PKD2L2: variants seen among roughly 807,000 people sequenced by gnomAD.
PKD2L2 encodes the protein polycystin-2-like protein 2.
A neutral mutation model predicts 83.9 loss-of-function variants in PKD2L2; 67 were observed. That is an observed-to-expected ratio of 0.80 (90% CI 0.66 to 0.98). The LOEUF (loss-of-function observed/expected upper bound fraction) is 0.98. Ranked by LOEUF, PKD2L2 falls within the 50% of genes least tolerant of loss-of-function variation. The probability of loss-of-function intolerance (pLI) is 0.00; values close to 1 mark genes in which losing one functional copy is unlikely to be tolerated. For synonymous variants in PKD2L2, 223 were observed against 237.8 expected (o/e 0.94, Z 0.57); for missense variants, 632 against 717.2 (o/e 0.88, Z 1.36).
At chr5:137,902,733 T>C (rs1192656132) in intron 5 of PKD2L2, among the ~76,000 whole-genome samples, 1 of 152,160 alleles carries the variant, frequency 6.6e-6, no homozygotes, top group Non-Finnish European at 1.5e-5. Flanking sequence ...CAGTTGCTGC[T>C]TGTACACAGA....
At chr5:137,890,305 G>A in intron 1 of PKD2L2, 176 bp from the exon 2 acceptor site, 1 of 530,284 alleles carries the variant, frequency 1.9e-6, no homozygotes, top group Non-Finnish European at 3.3e-6. Flanking sequence ...GTTATTAATA[G>A]TATATAGTAA....
chr5:137,904,626 T>C (rs1190461146), intron 5 of PKD2L2, among the ~76,000 whole-genome samples: 2 of 150,500 alleles, frequency 1.3e-5, no homozygotes, highest in African/African-American at 4.9e-5. Flanking sequence ...TGGAGGAGGG[T>C]GGGAAGGAAG....
intron 14 of PKD2L2, chr5:137,938,502 A>G (rs1462212883): frequency 1.3e-5 from 2 of 152,624 alleles, no homozygotes; most frequent in Non-Finnish European, 2.9e-5. Context: ...TAAAAATGAT[A>G]CATCTTTTGG....
intron 12 of PKD2L2, among the ~76,000 whole-genome samples, chr5:137,935,192 C>T (rs1760222800): frequency 6.6e-6 from 1 of 152,162 alleles, no homozygotes; most frequent in South Asian, 2.1e-4. Flanking sequence ...CCCTTTTTAT[C>T]TGTAGCTGGG....
At chr5:137,900,865 C>T (rs762035367) in intron 5 of PKD2L2, among the ~76,000 whole-genome samples, 2 of 152,170 alleles carry the variant, frequency 1.3e-5, no homozygotes, top group African/African-American at 2.4e-5. Flanking sequence ...CAGCCAGGCA[C>T]GGTGGCTCAC....
intron 14 of PKD2L2, chr5:137,941,825 T>C: frequency 1.3e-6 from 1 of 798,410 alleles, no homozygotes; most frequent in Non-Finnish European, 2.0e-6. Flanking sequence ...TTTTAAAATT[T>C]TTCAGTGCTA....
chr5:137,913,185 T>C (rs9688006), intron 8 of PKD2L2, among the ~76,000 whole-genome samples: 1 of 19,484 alleles, frequency 5.1e-5, no homozygotes, highest in Non-Finnish European at 1.5e-4. Context: ...TTCTTTTTTC[T>C]TTTTTTTTTT....
chr5:137,919,436 C>T (rs1442948181), intron 8 of PKD2L2, among the ~76,000 whole-genome samples: 2 of 151,940 alleles, frequency 1.3e-5, no homozygotes, highest in Admixed American at 6.6e-5. Context: ...ACTTTCCTAA[C>T]AGAAAAGGGC....
intron 8 of PKD2L2, among the ~76,000 whole-genome samples, chr5:137,917,103 A>G (rs1758431379): frequency 1.3e-5 from 2 of 150,594 alleles, no homozygotes; most frequent in South Asian, 4.2e-4. Context: ...AACTTCCATA[A>G]TGTGTATGTT....
chr5:137,907,914 T>C lies in PKD2L2; in HGVS notation c.1146+2T>C, dbSNP rs1458143777. 1 of 1,249,484 alleles carries C rather than the reference T, an allele frequency of 8.0e-7. No individual in the cohort carries two copies. Among genetic ancestry groups the C allele is most frequent in the Non-Finnish European group, 1.1e-6 (1 of 886,872 alleles). 77.4% of individuals were successfully genotyped at this position (1,249,484 alleles called of 1,614,324 possible). A position where few individuals can be genotyped will look rare whatever the true frequency, so the allele number is the denominator to read the frequency against. On this transcript the variant is annotated splice_donor_variant, in intron 7 of 14. Coordinates refer to ENST00000508883, the MANE Select transcript of PKD2L2 (RefSeq NM_001300921.2). LOFTEE classifies it high-confidence loss of function. ...ACCATCTTTTTTGCATGGATAAAGGTATTTATATTTCATTATATTACATAA... is the reference window on the plus strand; with the variant it reads ...ACCATCTTTTTTGCATGGATAAAGGCATTTATATTTCATTATATTACATAA...
chr5:137,940,269 G>C, intron 14 of PKD2L2: 1 of 1,613,872 alleles, frequency 6.2e-7, no homozygotes, highest in East Asian at 2.2e-5. Flanking sequence ...AGAACTTCAA[G>C]AAGCCTAAGC....
chr5:137,906,609 A>G (rs1757387308), intron 6 of PKD2L2, among the ~76,000 whole-genome samples, 175 bp downstream of exon 6: 1 of 152,160 alleles, frequency 6.6e-6, no homozygotes, highest in African/African-American at 2.4e-5. Flanking sequence ...AAAGGGAGAG[A>G]TCTATTTTTT....
intron 8 of PKD2L2, among the ~76,000 whole-genome samples, chr5:137,914,494 T>C (rs1257313877): frequency 6.6e-6 from 1 of 152,234 alleles, no homozygotes; most frequent in Non-Finnish European, 1.5e-5. Flanking sequence ...ACTGTGTGTA[T>C]CTTGCAACTT....
At chr5:137,910,702 C>T (rs1292901451) in intron 8 of PKD2L2, among the ~76,000 whole-genome samples, 4 of 151,480 alleles carry the variant, frequency 2.6e-5, no homozygotes, top group African/African-American at 9.7e-5. Flanking sequence ...ATCCTTTAAC[C>T]CGAGAGGCAG....
chr5:137,915,948 A>G (rs964304470), intron 8 of PKD2L2, among the ~76,000 whole-genome samples: 4 of 152,124 alleles, frequency 2.6e-5, no homozygotes, highest in Non-Finnish European at 5.9e-5. Flanking sequence ...GGATAGATCT[A>G]GTGATAATAA....
At chr5:137,924,944 A>G in intron 10 of PKD2L2, 96 bp from the exon 11 acceptor site, 1 of 756,884 alleles carries the variant, frequency 1.3e-6, no homozygotes, top group Admixed American at 2.1e-5. Flanking sequence ...AGCAATCCAG[A>G]GGGACAAGCA....
chr5:137,939,816 A>C (rs1302862201), intron 14 of PKD2L2: 5 of 1,234,778 alleles, frequency 4.0e-6, no homozygotes, highest in Admixed American at 7.9e-5. Context: ...AGAAAAAGGC[A>C]ACAGAAGAAT....
In PKD2L2 at chr5:137,910,778, C is replaced by CA. The variant is rs762998794; in HGVS notation, c.1328+1842dup. Reference sequence around the variant, plus strand: ...TGGGCGACAGAATGAGACTCTGTCTCAAAAAAAAAAGAAAAACAAAAAAAA... The same window carrying CA: ...TGGGCGACAGAATGAGACTCTGTCTCAAAAAAAAAAAGAAAAACAAAAAAAA... On this transcript the variant is annotated intron_variant, in intron 8 of 14. Transcript: ENST00000508883. Among the ~76,000 whole-genome samples, 146 of 74,094 alleles carry CA rather than the reference C, an allele frequency of 2.0e-3. No individual in the cohort carries two copies. The Middle Eastern group carries it at 0.041, about 21-fold the overall frequency. The allele number at this position is 74,094 out of a possible 152,430, so 48.6% of individuals were successfully genotyped here. A position where few individuals can be genotyped will look rare whatever the true frequency, so the allele number is the denominator to read the frequency against.
At chr5:137,901,705 C>T (rs1580906929) in intron 5 of PKD2L2, among the ~76,000 whole-genome samples, 1 of 152,158 alleles carries the variant, frequency 6.6e-6, no homozygotes, top group Non-Finnish European at 1.5e-5. Flanking sequence ...CCAAACACAA[C>T]ATCTCTAATT....
Sources: gnomAD v4.1 joint callset for allele counts (sites outside exome capture counted in the v4.1 genomes callset) on GRCh38, gnomAD v4.1.1 for gene constraint, MANE v1.5 for transcripts, NCBI Gene and HGNC (gene_info 2026-07-23, HGNC 2026-07-21) for gene names.